GRM4: variants seen among roughly 807,000 people sequenced by gnomAD.
GRM4 encodes the protein glutamate metabotropic receptor 4.
Under a neutral mutation model 81.7 loss-of-function variants are expected in GRM4, and 28 were observed. The observed-to-expected ratio is 0.34, with a 90% CI of 0.25 to 0.47. The LOEUF (loss-of-function observed/expected upper bound fraction) is 0.47, where lower values mean the gene tolerates loss of function less well. Among genes scored for constraint, GRM4 ranks in the 20% least tolerant of loss-of-function variants. The probability of loss-of-function intolerance (pLI) is 1.00; values close to 1 mark genes in which losing one functional copy is unlikely to be tolerated. For missense variants in GRM4, 948 were observed against 1,290.0 expected, an observed-to-expected ratio of 0.73 and a Z score of 4.06; for synonymous variants, 488 against 528.8, an observed-to-expected ratio of 0.92 and a Z score of 1.06.
intron 2 of GRM4, among the ~76,000 whole-genome samples, chr6:34,119,824 A>G (rs1432410147): frequency 1.3e-5 from 2 of 152,196 alleles, no homozygotes; most frequent in Non-Finnish European, 2.9e-5. Flanking sequence ...CAGGTGCTGC[A>G]GCTTTGGTGG....
chr6:34,106,734 G>T (rs1361386743), intron 2 of GRM4, among the ~76,000 whole-genome samples: 2 of 152,234 alleles, frequency 1.3e-5, no homozygotes, highest in African/African-American at 4.8e-5. Context: ...TCCCATGAGG[G>T]CAGGGGATTT....
At chr6:34,045,006 ACACCACACAGATACACACACACACCCC>A (rs1765300085) in intron 6 of GRM4, among the ~76,000 whole-genome samples, 1 of 151,896 alleles carries the variant, frequency 6.6e-6, no homozygotes, top group South Asian at 2.1e-4. Context: ...AAACACACAC[ACACCACACAGATACACACACACACCCC>A]CACCACACCA....
At chr6:34,093,547 G>T (rs1271821076) in intron 2 of GRM4, among the ~76,000 whole-genome samples, 1 of 152,228 alleles carries the variant, frequency 6.6e-6, no homozygotes, top group Non-Finnish European at 1.5e-5. Context: ...GCCTCACAGA[G>T]TGGCATAAGG....
Position 34,048,489 on chromosome 6 carries a change from C to T in GRM4, c.1169-7741G>A, listed in dbSNP as rs1458998047. ...GGTGGGGGAACTCTGGGGACTGACTCTCAGGCAAATGTGGATGAGCCGCCC... is the reference window on the plus strand; with the variant it reads ...GGTGGGGGAACTCTGGGGACTGACTTTCAGGCAAATGTGGATGAGCCGCCC... On this transcript the variant is annotated intron_variant, in intron 6 of 10. Transcript: ENST00000538487. This position sits in a 1 kb window ranked among gnomAD's most constrained non-coding sequence, Gnocchi z 4.0. 1.3e-5 allele frequency among the ~76,000 whole-genome samples: 2 copies of T among 152,154 alleles called. No individual in the cohort carries two copies.
At position 34,040,312 on chromosome 6, in the gene GRM4, TG is replaced by T. The variant is rs776834422; in HGVS notation, c.1371del (p.Ile458SerfsTer6). The T allele has an allele frequency of 2.5e-6, 4 of 1,614,074 alleles. No individual in the cohort carries two copies. The highest frequency in any genetic ancestry group is 3.4e-6 in the Non-Finnish European group (4 of 1,179,970). ...TTGAAGGTCACAGGGTTCCCTGCGA[TG>T]CCTGTAAGGGTGGGCGGGTGTCTTT... ...LKYIRNVNFS[G>X]IAGNPVTFNE... On this transcript the variant is annotated frameshift_variant and splice_region_variant, in exon 8 of 11. Transcript: ENST00000538487. LOFTEE classifies it high-confidence loss of function.
At position 34,022,710 on chromosome 6, in the gene GRM4, G is replaced by T; in HGVS notation, c.*111C>A. Reference sequence around the variant, plus strand: ...CTATCCTCAGCACCAAGCCACGTCCGTGGGTGCCCACGGGCAGGCAAGACA... The same window carrying T: ...CTATCCTCAGCACCAAGCCACGTCCTTGGGTGCCCACGGGCAGGCAAGACA... On this transcript the variant is annotated 3_prime_UTR_variant, in exon 11 of 11. Transcript: ENST00000538487. This position sits in a 1 kb window ranked among gnomAD's most constrained non-coding sequence, Gnocchi z 5.6. 1 of 957,470 alleles carries T rather than the reference G, an allele frequency of 1.0e-6. No homozygotes were observed. The highest frequency in any genetic ancestry group is 1.6e-5 in the African/African-American group (1 of 62,448). The allele number at this position is 957,470 out of a possible 1,614,324, so 59.3% of individuals were successfully genotyped here. A position where few individuals can be genotyped will look rare whatever the true frequency, so the allele number is the denominator to read the frequency against.
chr6:34,088,370 C>G (rs1022634878), intron 3 of GRM4, among the ~76,000 whole-genome samples: 1 of 152,194 alleles, frequency 6.6e-6, no homozygotes, highest in Middle Eastern at 3.2e-3. Flanking sequence ...GATCCGCCTG[C>G]CTCGGCCTCC....
At chr6:34,101,401 G>C (rs185965683) in intron 2 of GRM4, among the ~76,000 whole-genome samples, 2 of 152,160 alleles carry the variant, frequency 1.3e-5, no homozygotes, top group Non-Finnish European at 2.9e-5. Context: ...ATTTGAACTC[G>C]AACTAGCTGC....
chr6:34,044,157 C>CACAGACACACACACACATATACAT (rs1765156268), intron 6 of GRM4, among the ~76,000 whole-genome samples: 1 of 137,116 alleles, frequency 7.3e-6, no homozygotes, highest in African/African-American at 3.1e-5. Flanking sequence ...CACATATATA[C>CACAGACACACACACACATATACAT]ACATACACAC....
Position 34,152,858 on chromosome 6 carries a change from G to T in GRM4, c.312+2221C>A, listed in dbSNP as rs1435272349. Among the ~76,000 whole-genome samples the T allele has an allele frequency of 6.6e-6, 1 of 152,126 alleles. No homozygotes were observed. The highest frequency in any genetic ancestry group is 1.5e-5 in the Non-Finnish European group (1 of 68,026). On this transcript the variant is annotated intron_variant, in intron 1 of 8. Coordinates refer to the GRM4 transcript ENST00000374177. This position sits in a 1 kb window ranked among gnomAD's most constrained non-coding sequence, Gnocchi z 4.1. ...CAGGCAGGAGCAAGGTGGGAGGGTG[G>T]CTGGGGATGGGAAGGTGGGGCATCT...
intron 1 of GRM4, among the ~76,000 whole-genome samples, chr6:34,151,386 G>C (rs2127521539): frequency 6.6e-6 from 1 of 152,284 alleles, no homozygotes; most frequent in Non-Finnish European, 1.5e-5. Flanking sequence ...TTGCCTCGCT[G>C]CAATTTAAAA....
chr6:34,131,877 G>A (rs1323232616), intron 2 of GRM4, among the ~76,000 whole-genome samples: 2 of 152,102 alleles, frequency 1.3e-5, no homozygotes, highest in African/African-American at 4.8e-5. Context: ...CAGGGTGAGG[G>A]AGGGACCAAG....
chr6:34,127,046 C>A (rs1030237428), intron 2 of GRM4, among the ~76,000 whole-genome samples: 1 of 152,136 alleles, frequency 6.6e-6, no homozygotes, highest in Non-Finnish European at 1.5e-5. Context: ...TTTTGTTTTT[C>A]AACCCTTTAA....
At chr6:34,146,542 A>G (rs1770936688), upstream of GRM4, among the ~76,000 whole-genome samples, 1 of 152,188 alleles carries the variant, frequency 6.6e-6, no homozygotes, top group South Asian at 2.1e-4. Flanking sequence ...TGAGGGAGCC[A>G]CGCAGCCCTC....
At chr6:34,105,928 C>T (rs982712572) in intron 2 of GRM4, 1 of 152,248 alleles carries the variant, frequency 6.6e-6, no homozygotes, top group African/African-American at 2.4e-5. Context: ...GACTCACCTC[C>T]TCCACCAGGA....
rs1390168349 is a variant in GRM4 at position 34,111,257 on chromosome 6, C to CCA, written c.520-19160_520-19159dup. On this transcript the variant is annotated intron_variant, in intron 2 of 10. Transcript: ENST00000538487. This position sits in a 1 kb window ranked among gnomAD's most constrained non-coding sequence, Gnocchi z 5.1. ...CTGAGCATCCCTAGACACCCCCACC[C>CCA]CACACACATTCAAGAGCAGCAGCTC... 6.6e-6 allele frequency among the ~76,000 whole-genome samples: 1 copy of CCA among 151,644 alleles called. No homozygotes were observed. The highest frequency in any genetic ancestry group is 1.5e-5 in the Non-Finnish European group (1 of 67,938).
intron 3 of GRM4, among the ~76,000 whole-genome samples, chr6:34,079,978 C>T (rs1351637351): frequency 1.3e-5 from 2 of 152,188 alleles, no homozygotes; most frequent in Non-Finnish European, 2.9e-5. Context: ...TCACCCAGAA[C>T]AAAAGCCAAA....
rs1463857687 is a variant in GRM4 at position 34,121,209 on chromosome 6, C to T, written c.519+11769G>A. ...ACCACTCACCCTCACACACCGCCCC[C>T]CAGTCCTAAGCCTCAGACTCCTTCC... On this transcript the variant is annotated intron_variant, in intron 2 of 10. Coordinates refer to ENST00000538487, the MANE Select transcript of GRM4 (RefSeq NM_000841.4). The surrounding 1 kb of genome is among the most constrained non-coding windows in gnomAD (Gnocchi z 4.6). Among the ~76,000 whole-genome samples, 1 of 152,148 alleles carries T rather than the reference C, an allele frequency of 6.6e-6. No homozygotes were observed. The highest frequency in any genetic ancestry group is 1.9e-4 in the East Asian group (1 of 5,192).
chr6:34,141,096 GA>G (rs1770671288), intron 1 of GRM4, among the ~76,000 whole-genome samples: 1 of 152,216 alleles, frequency 6.6e-6, no homozygotes, highest in Admixed American at 6.5e-5. Flanking sequence ...GTTTTTACTA[GA>G]AGTCATGCCC....
Sources: allele counts gnomAD v4.1 joint callset (sites outside exome capture counted in the v4.1 genomes callset), GRCh38; gene constraint gnomAD v4.1.1; non-coding constraint Gnocchi (gnomAD v3.1); transcripts MANE v1.5; gene names NCBI Gene and HGNC (gene_info 2026-07-23, HGNC 2026-07-21).